NCKAP5: variants seen among roughly 807,000 people sequenced by gnomAD.
NCKAP5 encodes the protein nck-associated protein 5.
In NCKAP5, 92 loss-of-function variants were observed where a neutral mutation model predicts 167.0. The ratio of observed to expected loss-of-function variants is 0.55; its 90% CI spans 0.47 to 0.66. The LOEUF (loss-of-function observed/expected upper bound fraction) is 0.66, where lower values mean the gene tolerates loss of function less well. Ranked by LOEUF, NCKAP5 falls within the 30% of genes least tolerant of loss-of-function variation. The pLI is 0.00. For missense variants in NCKAP5, 2,378 were observed against 2,315.0 expected, an observed-to-expected ratio of 1.03 and a Z score of -0.56; for synonymous variants, 891 against 877.4, an observed-to-expected ratio of 1.02 and a Z score of -0.27.
intron 8 of NCKAP5, among the ~76,000 whole-genome samples, chr2:132,910,852 G>T (rs1482076859): frequency 1.3e-5 from 2 of 152,184 alleles, no homozygotes; most frequent in Non-Finnish European, 2.9e-5. Context: ...AATGGCCAAA[G>T]AAGACTCATC....
At chr2:132,961,319 TAAG>T (rs1363096928) in intron 8 of NCKAP5, among the ~76,000 whole-genome samples, 4 of 147,748 alleles carry the variant, frequency 2.7e-5, no homozygotes, top group African/African-American at 5.1e-5. Context: ...CATCTATATA[TAAG>T]AAGATATATT....
intron 5 of NCKAP5, among the ~76,000 whole-genome samples, chr2:133,154,786 A>G (rs930267003): frequency 6.6e-6 from 1 of 152,240 alleles, no homozygotes; most frequent in Non-Finnish European, 1.5e-5. Context: ...TGCATACATC[A>G]GAGGGAGTGG....
At chr2:132,986,712 A>AT (rs2077299882) in intron 7 of NCKAP5, among the ~76,000 whole-genome samples, 1 of 152,216 alleles carries the variant, frequency 6.6e-6, no homozygotes, top group African/African-American at 2.4e-5. Context: ...TAACAATATA[A>AT]TTTTTCAACC....
intron 8 of NCKAP5, among the ~76,000 whole-genome samples, chr2:132,951,051 C>T (rs2076171517): frequency 6.6e-6 from 1 of 152,186 alleles, no homozygotes; most frequent in Admixed American, 6.5e-5. Context: ...TTTCCAACTG[C>T]TCATGTTCCT....
rs551414655 is a variant in NCKAP5, at chr2:133,023,958, A to G, written c.342-29719T>C. Among the ~76,000 whole-genome samples, 243 of 152,310 alleles carry G rather than the reference A, an allele frequency of 1.6e-3. 1 individual carries two copies. The highest frequency in any genetic ancestry group is 5.5e-3 in the African/African-American group (230 of 41,566). ...TTATTCCCTATCAGTCCTTACACCC[A>G]GGACTGGCTCTCCTGCATATATTCA... On this transcript the variant is annotated intron_variant, in intron 6 of 19. Transcript: ENST00000409261.
chr2:132,849,050 T>G (rs547370700), intron 11 of NCKAP5, among the ~76,000 whole-genome samples: 1 of 152,316 alleles, frequency 6.6e-6, no homozygotes, highest in East Asian at 1.9e-4. Context: ...GCAGTTATGA[T>G]GCAGATGATC....
At chr2:132,898,826 C>T (rs1693404586) in intron 8 of NCKAP5, among the ~76,000 whole-genome samples, 1 of 152,158 alleles carries the variant, frequency 6.6e-6, no homozygotes, top group Non-Finnish European at 1.5e-5. Context: ...CATATGTTGT[C>T]ACCCAGACTT....
intron 11 of NCKAP5, among the ~76,000 whole-genome samples, chr2:132,807,276 T>C (rs1216810195): frequency 6.6e-6 from 1 of 152,168 alleles, no homozygotes; most frequent in Non-Finnish European, 1.5e-5. Flanking sequence ...TAGAATTGTT[T>C]TTTTCTAATT....
intron 10 of NCKAP5, among the ~76,000 whole-genome samples, chr2:132,868,494 C>T (rs112998697): frequency 6.6e-5 from 10 of 152,240 alleles, no homozygotes; most frequent in East Asian, 1.9e-4. Flanking sequence ...TCCCAGGAAG[C>T]GGGAATTGTT....
At chr2:132,811,464 G>A (rs900425310) in intron 11 of NCKAP5, among the ~76,000 whole-genome samples, 2 of 152,070 alleles carry the variant, frequency 1.3e-5, no homozygotes, top group African/African-American at 4.8e-5. Flanking sequence ...GGAGATGGGG[G>A]TGAGATTCCC....
intron 19 of NCKAP5, among the ~76,000 whole-genome samples, chr2:132,700,577 C>T (rs961502708): frequency 2.0e-5 from 3 of 152,110 alleles, no homozygotes; most frequent in East Asian, 1.9e-4. Context: ...TTTATTAAAT[C>T]GGGAATCCTT....
intron 11 of NCKAP5, among the ~76,000 whole-genome samples, chr2:132,845,069 G>C (rs551217213): frequency 2.0e-5 from 3 of 152,244 alleles, no homozygotes; most frequent in Middle Eastern, 3.4e-3. Flanking sequence ...AGTGAGGTGA[G>C]TGTCTTTCAT....
At chr2:133,379,795 C>G (rs577558473) in intron 3 of NCKAP5, among the ~76,000 whole-genome samples, 6 of 152,266 alleles carry the variant, frequency 3.9e-5, no homozygotes, top group Non-Finnish European at 8.8e-5. Flanking sequence ...CAGTAAAATG[C>G]AGCTGTCATT....
intron 19 of NCKAP5, among the ~76,000 whole-genome samples, chr2:132,712,308 C>T (rs1558956432): frequency 6.6e-6 from 1 of 152,140 alleles, no homozygotes; most frequent in South Asian, 2.1e-4. Context: ...TCACCTCAAG[C>T]CCCCTTCAGG....
At chr2:133,589,486 C>A in the NCKAP5 span, among the ~76,000 whole-genome samples, 1 of 152,090 alleles carries the variant, frequency 6.6e-6, no homozygotes, top group Non-Finnish European at 1.5e-5. Context: ...CAGGGGGATT[C>A]TGGATGCACC....
chr2:132,816,344 G>A (rs1415588605), intron 11 of NCKAP5, among the ~76,000 whole-genome samples: 2 of 152,048 alleles, frequency 1.3e-5, no homozygotes, highest in Non-Finnish European at 2.9e-5. Context: ...AGTAGCAAGC[G>A]GAAGAGGGGA....
chr2:133,022,160 T>C (rs1219696297), intron 6 of NCKAP5, among the ~76,000 whole-genome samples: 1 of 152,160 alleles, frequency 6.6e-6, no homozygotes. Context: ...CACCTCAAAA[T>C]ATGACTGTAG....
At chr2:133,434,261 T>C (rs1001845909) in intron 3 of NCKAP5, among the ~76,000 whole-genome samples, 4 of 152,242 alleles carry the variant, frequency 2.6e-5, no homozygotes, top group Admixed American at 2.6e-4. Flanking sequence ...AGGTTACTTA[T>C]CTTTAAAAAC....
At chr2:132,970,605 G>C (rs77986025) in intron 7 of NCKAP5, among the ~76,000 whole-genome samples, 1 of 152,148 alleles carries the variant, frequency 6.6e-6, no homozygotes, top group East Asian at 1.9e-4. Flanking sequence ...TAGGAGCTCA[G>C]TTTGCATCGA....
Sources: allele counts gnomAD v4.1 joint callset (sites outside exome capture counted in the v4.1 genomes callset), GRCh38; gene constraint gnomAD v4.1.1; transcripts MANE v1.5; gene names NCBI Gene and HGNC (gene_info 2026-07-23, HGNC 2026-07-21).